The following CNTN4 variants were observed in gnomAD, a reference collection of about 807,000 sequenced individuals.
CNTN4 encodes the protein contactin-4.
CNTN4 carries 77 observed loss-of-function variants against 122.5 expected under a neutral mutation model. That is an observed-to-expected ratio of 0.63 (90% CI 0.52 to 0.76). CNTN4 has a LOEUF of 0.76. Ranked by LOEUF, CNTN4 falls within the 30% of genes least tolerant of loss-of-function variation. CNTN4 has a pLI of 0.00. For missense variants in CNTN4, 1,256 were observed against 1,259.1 expected (o/e 1.00, Z 0.04); for synonymous variants, 512 against 447.0 (o/e 1.15, Z -1.83).
At chr3:2,263,426 TTCAGTAATCACTGAGCGTA>T (rs1161524393) in intron 2 of CNTN4, among the ~76,000 whole-genome samples, 3 of 152,166 alleles carry the variant, frequency 2.0e-5, no homozygotes, top group Admixed American at 2.0e-4. Context: ...TGTTTATTCA[TTCAGTAATCACTGAGCGTA>T]TATACCGATT....
chr3:2,517,054 G>A (rs2077059835), intron 3 of CNTN4, among the ~76,000 whole-genome samples: 1 of 152,122 alleles, frequency 6.6e-6, no homozygotes, highest in Non-Finnish European at 1.5e-5. Context: ...TCAAGTGTAA[G>A]GACATTGGGA....
At chr3:2,137,554 A>G (rs1559278291) in intron 2 of CNTN4, among the ~76,000 whole-genome samples, 2 of 152,208 alleles carry the variant, frequency 1.3e-5, no homozygotes, top group African/African-American at 2.4e-5. Context: ...CAGGCGATTC[A>G]CTTGCTTAAG....
At position 2,199,952 on chromosome 3, in the gene CNTN4, A is replaced by G. The variant is rs115523100; in HGVS notation, c.-145+99313A>G. Among the ~76,000 whole-genome samples, 1,461 of 152,304 alleles carry G rather than the reference A, an allele frequency of 9.6e-3. 26 individuals carry two copies. The highest frequency in any genetic ancestry group is 0.033 in the African/African-American group (1,368 of 41,560). On this transcript the variant is annotated intron_variant, in intron 2 of 24. Coordinates refer to ENST00000418658, the MANE Select transcript of CNTN4 (RefSeq NM_175607.3). ...GCATATGAAGGTCATTGTGATGAGT[A>G]TGTTGGATGAAGATGAGCTATCAGA...
intron 3 of CNTN4, among the ~76,000 whole-genome samples, chr3:2,389,575 T>A (rs558631382): frequency 2.0e-5 from 3 of 152,338 alleles, no homozygotes; most frequent in Admixed American, 2.0e-4. Flanking sequence ...CATTCCTCTT[T>A]CCTTTTTTCT....
intron 4 of CNTN4, among the ~76,000 whole-genome samples, chr3:2,656,152 T>G (rs1243878961): frequency 1.3e-4 from 20 of 152,202 alleles, no homozygotes; most frequent in Admixed American, 1.3e-3. Context: ...TAAAAGAGAA[T>G]AATTATAAGT....
intron 2 of CNTN4, among the ~76,000 whole-genome samples, chr3:2,112,859 G>C (rs1187755587): frequency 1.3e-5 from 2 of 152,026 alleles, no homozygotes; most frequent in Non-Finnish European, 2.9e-5. Context: ...ATATCCTATA[G>C]ATCTGATTAT....
At chr3:2,686,498 C>T (rs1224373139) in intron 4 of CNTN4, among the ~76,000 whole-genome samples, 1 of 151,966 alleles carries the variant, frequency 6.6e-6, no homozygotes, top group Non-Finnish European at 1.5e-5. Context: ...TTTCCTTTTT[C>T]TCTTTTCCTT....
At chr3:2,438,391 G>A (rs1220734285) in intron 3 of CNTN4, among the ~76,000 whole-genome samples, 2 of 152,124 alleles carry the variant, frequency 1.3e-5, no homozygotes, top group South Asian at 2.1e-4. Context: ...GCATGGCGGT[G>A]CGTGCCTGTA....
chr3:2,983,959 A>C (rs1445930180), intron 13 of CNTN4, among the ~76,000 whole-genome samples: 1 of 152,182 alleles, frequency 6.6e-6, no homozygotes, highest in Non-Finnish European at 1.5e-5. Flanking sequence ...TCTCATCTGG[A>C]ATTCTAACAG....
chr3:2,323,008 A>T (rs2043323568), intron 2 of CNTN4, among the ~76,000 whole-genome samples: 1 of 152,260 alleles, frequency 6.6e-6, no homozygotes, highest in East Asian at 1.9e-4. Context: ...GACTCCTGTC[A>T]TATAGGCCCA....
At chr3:2,754,024 A>T (rs1322317476) in intron 6 of CNTN4, among the ~76,000 whole-genome samples, 1 of 152,208 alleles carries the variant, frequency 6.6e-6, no homozygotes, top group Non-Finnish European at 1.5e-5. Flanking sequence ...GAATATTGAT[A>T]TTTTATGGTG....
chr3:3,023,697 G>A (rs1388255034), intron 14 of CNTN4, among the ~76,000 whole-genome samples: 1 of 152,184 alleles, frequency 6.6e-6, no homozygotes, highest in Non-Finnish European at 1.5e-5. Flanking sequence ...AATCATCACT[G>A]CTTGTTACCT....
intron 13 of CNTN4, among the ~76,000 whole-genome samples, chr3:2,947,897 T>A (rs1441368419): frequency 6.6e-6 from 1 of 152,240 alleles, no homozygotes; most frequent in African/African-American, 2.4e-5. Context: ...TATTCTGTTC[T>A]AACATTATTG....
intron 13 of CNTN4, among the ~76,000 whole-genome samples, chr3:2,981,158 A>T (rs1182432445): frequency 6.6e-6 from 1 of 152,092 alleles, no homozygotes; most frequent in Admixed American, 6.6e-5. Context: ...TAAAAGGAAA[A>T]CCTGGGCCGG....
chr3:2,472,503 T>C lies in CNTN4; in HGVS notation c.-88-98913T>C, dbSNP rs2075716449. Among the ~76,000 whole-genome samples, 8 of 152,286 alleles carry C rather than the reference T, an allele frequency of 5.3e-5. No individual in the cohort carries two copies. In the South Asian group the frequency reaches 1.7e-3, roughly 32 times the overall value. On this transcript the variant is annotated intron_variant, in intron 3 of 24. Coordinates refer to ENST00000418658, the MANE Select transcript of CNTN4 (RefSeq NM_175607.3). ...ATCCACCTGCCTCGGCGTCCCAAAG[T>C]GCTGGGATTACTGGCATGAGTCACT...
rs77202824 is a variant in CNTN4, at chr3:2,466,065, C to G, written c.-88-105351C>G. ...GGAATTCAATCTATTACATGCACTT[C>G]ACTGCACTAAACCAACACTACATGA... On this transcript the variant is annotated intron_variant, in intron 3 of 24. Coordinates refer to ENST00000418658, the MANE Select transcript of CNTN4 (RefSeq NM_175607.3). 7.3e-3 allele frequency among the ~76,000 whole-genome samples: 1,105 copies of G among 152,282 alleles called. 15 individuals are homozygous for G. Among genetic ancestry groups the G allele is most frequent in the African/African-American group, 0.025 (1,052 of 41,560 alleles).
intron 6 of CNTN4, among the ~76,000 whole-genome samples, chr3:2,804,239 T>A (rs181626112): frequency 5.3e-5 from 8 of 152,284 alleles, no homozygotes; most frequent in Admixed American, 3.9e-4. Context: ...ATCACAGGTG[T>A]GCACTTTAGT....
chr3:2,332,169 T>G (rs1463426364), intron 2 of CNTN4, among the ~76,000 whole-genome samples: 1 of 152,290 alleles, frequency 6.6e-6, no homozygotes, highest in South Asian at 2.1e-4. Context: ...TTCAGGATAG[T>G]AACTTATGGG....
intron 3 of CNTN4, among the ~76,000 whole-genome samples, chr3:2,434,180 TGTGAA>T (rs1343315769): frequency 6.6e-6 from 1 of 152,204 alleles, no homozygotes; most frequent in Non-Finnish European, 1.5e-5. Flanking sequence ...ATTAAAAGTA[TGTGAA>T]GTGATGAATT....
Sources: allele counts gnomAD v4.1 joint callset (sites outside exome capture counted in the v4.1 genomes callset), GRCh38; gene constraint gnomAD v4.1.1; transcripts MANE v1.5; gene names NCBI Gene and HGNC (gene_info 2026-07-23, HGNC 2026-07-21).